Variants in ZNF560 observed in about 807,000 individuals in gnomAD.
The protein encoded by ZNF560 is zinc finger protein 560.
Under a neutral mutation model 81.8 loss-of-function variants are expected in ZNF560, and 54 were observed. The observed-to-expected ratio is 0.66, with a 90% CI of 0.53 to 0.83. The LOEUF is 0.83. Among genes scored for constraint, ZNF560 ranks in the 40% least tolerant of loss-of-function variants. The probability of loss-of-function intolerance (pLI) is 0.00; values close to 1 mark genes in which losing one functional copy is unlikely to be tolerated. For missense variants in ZNF560, 940 were observed against 932.4 expected (o/e 1.01, Z -0.11); for synonymous variants, 321 against 317.9 (o/e 1.01, Z -0.10).
intron 2 of ZNF560, among the ~76,000 whole-genome samples, chr19:9,488,955 C>T: frequency 6.6e-6 from 1 of 152,182 alleles, no homozygotes; most frequent in East Asian, 1.9e-4. Context: ...TTGCTCCTGG[C>T]TCCTGCCATA....
In ZNF560 at chr19:9,470,466, G is replaced by A. The variant is rs1166580533; in HGVS notation, c.374C>T (p.Thr125Ile). 1 of 1,614,154 alleles carries A rather than the reference G, an allele frequency of 6.2e-7. No individual in the cohort carries two copies. The highest frequency in any genetic ancestry group is 8.5e-7 in the Non-Finnish European group (1 of 1,180,016). ...GTTTCTCTGAGCTGGGTCCAGTAAA[G>A]TCCACTCTTCCTGGGTGAACTCCAC... ...VAVEFTQEEW[T>I]LLDPAQRNLY... The change falls in exon 7 of 10, where the codon ACT becomes ATT. Residue 125 changes from threonine to isoleucine, a missense_variant. Coordinates refer to ENST00000301480, the MANE Select transcript of ZNF560 (RefSeq NM_152476.3).
chr19:9,469,332 A>C, intron 8 of ZNF560, 145 bp from the exon 9 acceptor site: 2 of 676,660 alleles, frequency 3.0e-6, no homozygotes, highest in Non-Finnish European at 5.0e-6. Flanking sequence ...AAAACAACTT[A>C]TTCTATGAAA....
the ZNF560 span, among the ~76,000 whole-genome samples, chr19:9,454,527 A>G: frequency 6.6e-6 from 1 of 152,182 alleles, no homozygotes; most frequent in Non-Finnish European, 1.5e-5. Flanking sequence ...GGGAGCTCGG[A>G]AGCATCAGGG....
chr19:9,497,897 T>C (rs1242409795), intron 2 of ZNF560, among the ~76,000 whole-genome samples: 1 of 152,184 alleles, frequency 6.6e-6, no homozygotes, highest in Non-Finnish European at 1.5e-5. Context: ...TGGCTGAGTA[T>C]TCTTAGGTTT....
At chr19:9,446,065 T>C in the ZNF560 span, among the ~76,000 whole-genome samples, 3 of 152,072 alleles carry the variant, frequency 2.0e-5, no homozygotes, top group African/African-American at 7.2e-5. Context: ...CTTGTTGATA[T>C]TACCAGAACC....
At chr19:9,499,421 C>CT (rs2073612690), upstream of ZNF560, among the ~76,000 whole-genome samples, 1 of 152,180 alleles carries the variant, frequency 6.6e-6, no homozygotes, top group Non-Finnish European at 1.5e-5. Context: ...TCTGGAACTC[C>CT]TGGGCTCAAG....
At chr19:9,448,079 A>G in the ZNF560 span, among the ~76,000 whole-genome samples, 1 of 152,164 alleles carries the variant, frequency 6.6e-6, no homozygotes. Context: ...TGAAGAGGAA[A>G]CTCAAACCAA....
chr19:9,455,485 A>G, the ZNF560 span, among the ~76,000 whole-genome samples: 1 of 152,224 alleles, frequency 6.6e-6, no homozygotes. Flanking sequence ...TAGACGCACA[A>G]GTGGTCATGC....
chr19:9,451,632 T>A, the ZNF560 span, among the ~76,000 whole-genome samples: 1 of 152,204 alleles, frequency 6.6e-6, no homozygotes, highest in African/African-American at 2.4e-5. Flanking sequence ...CTAATTTAAC[T>A]AAATAGCTTC....
chr19:9,469,782 GACT>G (rs1222693309), intron 7 of ZNF560, 72 bp from the exon 8 acceptor site: 1 of 1,296,360 alleles, frequency 7.7e-7, no homozygotes, highest in Non-Finnish European at 1.1e-6. Context: ...ATGAAACAGG[GACT>G]ACGTTTCTAA....
chr19:9,450,034 C>T, the ZNF560 span, among the ~76,000 whole-genome samples: 12 of 148,466 alleles, frequency 8.1e-5, no homozygotes, highest in East Asian at 4.0e-4. Flanking sequence ...GGCTTGTGCC[C>T]GTAATCCCAG....
intron 2 of ZNF560, among the ~76,000 whole-genome samples, chr19:9,482,061 T>C (rs770951410): frequency 1.3e-5 from 2 of 152,190 alleles, no homozygotes; most frequent in African/African-American, 4.8e-5. Flanking sequence ...TAAGAAAATG[T>C]GGCACATATA....
chr19:9,482,432 G>A (rs1414274601), intron 2 of ZNF560, among the ~76,000 whole-genome samples: 1 of 149,686 alleles, frequency 6.7e-6, no homozygotes, highest in Non-Finnish European at 1.5e-5. Context: ...ATAAAAATAA[G>A]GAAGGGAGGG....
intron 2 of ZNF560, among the ~76,000 whole-genome samples, chr19:9,484,154 TGGAAGGCCCCAGG>T (rs1222314369): frequency 2.5e-5 from 3 of 119,406 alleles, no homozygotes; most frequent in Non-Finnish European, 5.5e-5. Flanking sequence ...ACAAACACTG[TGGAAGGCCCCAGG>T]GTCCTCTGCC....
intron 2 of ZNF560, among the ~76,000 whole-genome samples, chr19:9,480,873 C>G (rs1263580725): frequency 6.6e-6 from 1 of 152,026 alleles, no homozygotes; most frequent in Non-Finnish European, 1.5e-5. Context: ...ATTGCTTGAG[C>G]TCAGGAATTC....
chr19:9,453,439 T>G, the ZNF560 span, among the ~76,000 whole-genome samples: 3 of 117,406 alleles, frequency 2.6e-5, no homozygotes, highest in African/African-American at 9.6e-5. Flanking sequence ...AACATTAATG[T>G]TTTTCATAAA....
intron 2 of ZNF560, among the ~76,000 whole-genome samples, chr19:9,482,776 C>T (rs200705739): frequency 8.6e-5 from 13 of 151,668 alleles, no homozygotes; most frequent in East Asian, 1.9e-4. Flanking sequence ...GATTCTCCTG[C>T]CTCAGCCTGC....
At chr19:9,488,710 T>C (rs1307617774) in intron 2 of ZNF560, among the ~76,000 whole-genome samples, 1 of 152,132 alleles carries the variant, frequency 6.6e-6, no homozygotes, top group Non-Finnish European at 1.5e-5. Context: ...AAGGTTAAAA[T>C]GTTAACATTA....
At chr19:9,486,656 C>T (rs975518535) in intron 2 of ZNF560, among the ~76,000 whole-genome samples, 1 of 151,740 alleles carries the variant, frequency 6.6e-6, no homozygotes, top group Admixed American at 6.6e-5. Context: ...AGGAGAATCA[C>T]TTGAACCCAG....
Sources: gnomAD v4.1 joint callset for allele counts (sites outside exome capture counted in the v4.1 genomes callset) on GRCh38, gnomAD v4.1.1 for gene constraint, MANE v1.5 for transcripts, NCBI Gene and HGNC (gene_info 2026-07-23, HGNC 2026-07-21) for gene names.